Variants in THSD7B observed in about 807,000 individuals in gnomAD.
THSD7B encodes the protein thrombospondin type-1 domain-containing protein 7B.
Under a neutral mutation model 213.6 loss-of-function variants are expected in THSD7B, and 138 were observed. The ratio of observed to expected loss-of-function variants is 0.65; its 90% CI spans 0.56 to 0.74. The LOEUF (loss-of-function observed/expected upper bound fraction) is 0.74. Ranked by LOEUF, THSD7B falls within the 30% of genes least tolerant of loss-of-function variation. The pLI is 0.00. For missense variants in THSD7B, 1,931 were observed against 1,991.5 expected (o/e 0.97, Z 0.58); for synonymous variants, 742 against 687.0 (o/e 1.08, Z -1.25).
At chr2:137,580,945 C>T (rs919967296) in intron 17 of THSD7B, among the ~76,000 whole-genome samples, 2 of 152,158 alleles carry the variant, frequency 1.3e-5, no homozygotes, top group Non-Finnish European at 1.5e-5. Flanking sequence ...CCAAATATCT[C>T]CCACTAGGCC....
intron 14 of THSD7B, among the ~76,000 whole-genome samples, chr2:137,429,149 G>A (rs991258914): frequency 6.6e-6 from 1 of 152,122 alleles, no homozygotes; most frequent in African/African-American, 2.4e-5. Context: ...TTTGGTTAGT[G>A]GTTGCTTAGG....
intron 16 of THSD7B, among the ~76,000 whole-genome samples, chr2:137,564,779 A>G (rs1681198511): frequency 6.6e-6 from 1 of 152,174 alleles, no homozygotes; most frequent in Admixed American, 6.6e-5. Context: ...CATATGCCTC[A>G]GCTTAAACCT....
chr2:137,116,366 TATTTC>T (rs1688447228), intron 5 of THSD7B, among the ~76,000 whole-genome samples: 1 of 152,226 alleles, frequency 6.6e-6, no homozygotes, highest in Non-Finnish European at 1.5e-5. Flanking sequence ...AAACACTTTT[TATTTC>T]AGGACAAAAC....
chr2:137,512,066 A>C (rs559490979), intron 15 of THSD7B: 1 of 152,068 alleles, frequency 6.6e-6, no homozygotes, highest in Admixed American at 6.6e-5. Flanking sequence ...CCTGCCTTTT[A>C]TCTTCTTTTG....
At chr2:137,209,339 T>C (rs1681050565) in intron 7 of THSD7B, among the ~76,000 whole-genome samples, 1 of 152,068 alleles carries the variant, frequency 6.6e-6, no homozygotes, top group Non-Finnish European at 1.5e-5. Flanking sequence ...TCCATAGCTC[T>C]TAGCACAAGG....
chr2:136,839,175 C>G (rs890619219), intron 1 of THSD7B, among the ~76,000 whole-genome samples: 39 of 152,196 alleles, frequency 2.6e-4, no homozygotes, highest in Admixed American at 2.3e-3. Flanking sequence ...GAGCAAAGAT[C>G]AAGCATGCCT....
At chr2:136,855,738 C>T (rs1417598590) in intron 1 of THSD7B, among the ~76,000 whole-genome samples, 2 of 152,022 alleles carry the variant, frequency 1.3e-5, no homozygotes, top group African/African-American at 4.8e-5. Flanking sequence ...TCCCAAAGTG[C>T]TGGGATTACA....
intron 5 of THSD7B, among the ~76,000 whole-genome samples, chr2:137,155,378 G>A (rs1679893073): frequency 6.6e-6 from 1 of 152,160 alleles, no homozygotes; most frequent in African/African-American, 2.4e-5. Flanking sequence ...CCTGCTCCTA[G>A]GGCCTCATTG....
chr2:137,175,127 T>A (rs1680334566), intron 7 of THSD7B, among the ~76,000 whole-genome samples: 1 of 152,186 alleles, frequency 6.6e-6, no homozygotes, highest in African/African-American at 2.4e-5. Context: ...GTGACTACTA[T>A]GTATCATCTT....
intron 16 of THSD7B, among the ~76,000 whole-genome samples, chr2:137,568,993 G>C: frequency 6.6e-6 from 1 of 152,282 alleles, no homozygotes; most frequent in East Asian, 1.9e-4. Context: ...ATTAAGGTGA[G>C]GACTTTGTGA....
At chr2:137,104,684 G>T (rs1688214174) in intron 4 of THSD7B, among the ~76,000 whole-genome samples, 1 of 152,014 alleles carries the variant, frequency 6.6e-6, no homozygotes, top group Admixed American at 6.6e-5. Flanking sequence ...GAATAAAAGA[G>T]AGAAGAATCA....
intron 2 of THSD7B, among the ~76,000 whole-genome samples, chr2:136,942,924 G>C (rs560298931): frequency 6.6e-6 from 1 of 152,190 alleles, no homozygotes; most frequent in Non-Finnish European, 1.5e-5. Flanking sequence ...TCCCTGTCTT[G>C]TGCCTGTTTT....
At chr2:136,890,108 G>A (rs578036797) in intron 2 of THSD7B, among the ~76,000 whole-genome samples, 61 of 152,060 alleles carry the variant, frequency 4.0e-4, no homozygotes, top group African/African-American at 1.2e-3. Flanking sequence ...GAAATTTGAC[G>A]CCATTCTGAT....
At chr2:137,615,055 T>C (rs1026842342) in intron 17 of THSD7B, among the ~76,000 whole-genome samples, 5 of 152,198 alleles carry the variant, frequency 3.3e-5, no homozygotes, top group African/African-American at 1.2e-4. Context: ...GGATTGCATG[T>C]TGTGAACATG....
At chr2:136,906,255 A>ATAT (rs1684158628) in intron 2 of THSD7B, among the ~76,000 whole-genome samples, 4 of 152,154 alleles carry the variant, frequency 2.6e-5, no homozygotes, top group African/African-American at 7.2e-5. Flanking sequence ...TCTTTATGAG[A>ATAT]GCTTCCTAAC....
chr2:137,238,341 A>G (rs191512112), intron 9 of THSD7B, among the ~76,000 whole-genome samples: 1 of 152,256 alleles, frequency 6.6e-6, no homozygotes, highest in East Asian at 1.9e-4. Context: ...ATTCCCAGCT[A>G]TCTACCAGGA....
intron 12 of THSD7B, among the ~76,000 whole-genome samples, chr2:137,285,209 A>G (rs1436887876): frequency 2.0e-5 from 3 of 151,990 alleles, no homozygotes; most frequent in African/African-American, 7.2e-5. Context: ...TTTATCAGAG[A>G]CTAGGATTGC....
chr2:137,021,420 A>G (rs1353574339), intron 2 of THSD7B, among the ~76,000 whole-genome samples: 1 of 152,220 alleles, frequency 6.6e-6, no homozygotes, highest in African/African-American at 2.4e-5. Flanking sequence ...AACAGTGTGC[A>G]TTAAGTTTTT....
intron 2 of THSD7B, among the ~76,000 whole-genome samples, chr2:136,983,471 A>G (rs1685622265): frequency 6.6e-6 from 1 of 150,684 alleles, no homozygotes; most frequent in African/African-American, 2.4e-5. Context: ...TTTGGAGTTG[A>G]CAATACTTCA....
Sources: allele counts gnomAD v4.1 joint callset (sites outside exome capture counted in the v4.1 genomes callset), GRCh38; gene constraint gnomAD v4.1.1; transcripts MANE v1.5; gene names NCBI Gene and HGNC (gene_info 2026-07-23, HGNC 2026-07-21).